Variants in MTA3 observed in about 807,000 individuals in gnomAD.
MTA3 encodes the protein metastasis-associated protein MTA3.
MTA3 carries 34 observed loss-of-function variants against 83.5 expected under a neutral mutation model. The ratio of observed to expected loss-of-function variants is 0.41; its 90% CI spans 0.31 to 0.54. The LOEUF (loss-of-function observed/expected upper bound fraction) is 0.54, where lower values mean the gene tolerates loss of function less well. Ranked by LOEUF, MTA3 falls within the 20% of genes least tolerant of loss-of-function variation. The probability of loss-of-function intolerance (pLI) is 0.33; values close to 1 mark genes in which losing one functional copy is unlikely to be tolerated. For missense variants in MTA3, 761 were observed against 726.4 expected, an observed-to-expected ratio of 1.05 and a Z score of -0.55; for synonymous variants, 303 against 252.7, an observed-to-expected ratio of 1.20 and a Z score of -1.89.
At chr2:42,667,384 C>T (rs2104394969) in intron 8 of MTA3, among the ~76,000 whole-genome samples, 1 of 152,220 alleles carries the variant, frequency 6.6e-6, no homozygotes, top group East Asian at 1.9e-4. Flanking sequence ...ACAGAAACCT[C>T]ATCCCCATTA....
chr2:42,544,666 C>T (rs1029570510), intron 2 of MTA3, among the ~76,000 whole-genome samples: 2 of 151,296 alleles, frequency 1.3e-5, no homozygotes, highest in Non-Finnish European at 2.9e-5. Context: ...GGATTACAGT[C>T]GTGAGCCACT....
intron 16 of MTA3, among the ~76,000 whole-genome samples, chr2:42,734,439 C>T (rs1406741584): frequency 1.6e-5 from 2 of 121,686 alleles, no homozygotes; most frequent in Admixed American, 8.4e-5. Flanking sequence ...ATAGGTAAAG[C>T]GTGTTTCTTG....
chr2:42,723,139 TC>T, intron 16 of MTA3, 104 bp downstream of exon 16: 1 of 1,312,422 alleles, frequency 7.6e-7, no homozygotes, highest in Non-Finnish European at 1.0e-6. Flanking sequence ...GTTCTTGTAT[TC>T]CATGATTGAA....
At chr2:42,581,580 G>C (rs1002247861) in intron 3 of MTA3, among the ~76,000 whole-genome samples, 1 of 148,208 alleles carries the variant, frequency 6.7e-6, no homozygotes. Flanking sequence ...ATGGGGTCTT[G>C]TTATGTTGCC....
At chr2:42,582,361 G>A (rs1020531093) in intron 3 of MTA3, among the ~76,000 whole-genome samples, 1 of 152,164 alleles carries the variant, frequency 6.6e-6, no homozygotes, top group Admixed American at 6.5e-5. Context: ...CCCAGCCCGA[G>A]ATATTTTACC....
At chr2:42,652,385 C>A (rs993963685) in intron 6 of MTA3, among the ~76,000 whole-genome samples, 5 of 152,188 alleles carry the variant, frequency 3.3e-5, no homozygotes, top group African/African-American at 1.2e-4. Context: ...CCCATCCCCC[C>A]ACGTAAAAGA....
intron 3 of MTA3, among the ~76,000 whole-genome samples, chr2:42,602,550 CTA>C (rs1467688359): frequency 6.6e-6 from 1 of 151,606 alleles, no homozygotes; most frequent in Non-Finnish European, 1.5e-5. Context: ...TCCAGTTGGT[CTA>C]TGTTCTTTCA....
intron 8 of MTA3, among the ~76,000 whole-genome samples, chr2:42,682,160 A>G (rs1351122718): frequency 6.6e-6 from 1 of 152,164 alleles, no homozygotes; most frequent in East Asian, 1.9e-4. Context: ...GCTGCACTCT[A>G]GCCTGGGAAT....
chr2:42,734,301 T>G (rs1668454660), intron 16 of MTA3, among the ~76,000 whole-genome samples: 1 of 152,106 alleles, frequency 6.6e-6, no homozygotes, highest in South Asian at 2.1e-4. Flanking sequence ...TTGTCTCTTT[T>G]TATAGTTTTT....
At chr2:42,558,566 T>C (rs1286567556) in intron 2 of MTA3, among the ~76,000 whole-genome samples, 1 of 150,954 alleles carries the variant, frequency 6.6e-6, no homozygotes, top group Non-Finnish European at 1.5e-5. Context: ...AAAATTTTTT[T>C]TTTTTTTGAG....
chr2:42,729,063 CTTTTA>C (rs1244129195), intron 16 of MTA3, among the ~76,000 whole-genome samples: 21 of 41,238 alleles, frequency 5.1e-4, no homozygotes, highest in Admixed American at 3.9e-3. Flanking sequence ...CCAGTGTTTT[CTTTTA>C]TTAGTTTCAC....
At chr2:42,623,442 C>T (rs369808187) in intron 4 of MTA3, among the ~76,000 whole-genome samples, 1 of 152,152 alleles carries the variant, frequency 6.6e-6, no homozygotes, top group Admixed American at 6.5e-5. Flanking sequence ...GCTTATGTCA[C>T]GCCGCTGTCT....
Position 42,704,327 on chromosome 2 carries a change from T to G in MTA3, c.1150+9T>G. 1 of 1,613,490 alleles carries G rather than the reference T, an allele frequency of 6.2e-7. No individual in the cohort carries two copies. The highest frequency in any genetic ancestry group is 8.5e-7 in the Non-Finnish European group (1 of 1,179,614). ...CTGTGAGAGCTGCTATGGTAAGTTT[T>G]CTCTAGCAGGTCAGTTAAGCATCGG... On this transcript the variant is annotated intron_variant, in intron 12 of 16. Transcript: ENST00000405094.
At chr2:42,751,165 A>T (rs1213046449) in intron 16 of MTA3, among the ~76,000 whole-genome samples, 2 of 152,198 alleles carry the variant, frequency 1.3e-5, no homozygotes, top group African/African-American at 4.8e-5. Context: ...CTTTCATTGG[A>T]TTGGTTGATT....
chr2:42,702,514 T>C (rs951510284), intron 11 of MTA3: 2 of 152,364 alleles, frequency 1.3e-5, no homozygotes, highest in Non-Finnish European at 1.5e-5. Flanking sequence ...AACTCTGACT[T>C]CAGCTGTCTT....
At chr2:42,643,700 G>A (rs914668299) in intron 5 of MTA3, among the ~76,000 whole-genome samples, 1 of 152,094 alleles carries the variant, frequency 6.6e-6, no homozygotes, top group African/African-American at 2.4e-5. Context: ...CTAAAAGCTG[G>A]GATGGACATT....
chr2:42,681,870 A>G (rs2374438), intron 8 of MTA3, among the ~76,000 whole-genome samples: 116,226 of 149,862 alleles, frequency 0.78, 45,608 homozygotes, highest in African/African-American at 0.89. Context: ...CAGCATGGGT[A>G]ACAGAGCAAG....
At chr2:42,664,838 T>C (rs1288032051) in intron 8 of MTA3, among the ~76,000 whole-genome samples, 4 of 152,148 alleles carry the variant, frequency 2.6e-5, no homozygotes, top group African/African-American at 9.7e-5. Flanking sequence ...GCATTCCTAA[T>C]CTGACATCGA....
At chr2:42,561,331 T>C (rs1476561284) in intron 2 of MTA3, among the ~76,000 whole-genome samples, 2 of 151,590 alleles carry the variant, frequency 1.3e-5, no homozygotes, top group Non-Finnish European at 2.9e-5. Context: ...TTTATTTCTT[T>C]TTTTTTTTTT....
Sources: allele counts gnomAD v4.1 joint callset (sites outside exome capture counted in the v4.1 genomes callset), GRCh38; gene constraint gnomAD v4.1.1; transcripts MANE v1.5; gene names NCBI Gene and HGNC (gene_info 2026-07-23, HGNC 2026-07-21).